The following MED13L variants were observed in gnomAD, a reference collection of about 807,000 sequenced individuals.
The protein encoded by MED13L is mediator of RNA polymerase II transcription subunit 13-like.
Under a neutral mutation model 220.9 loss-of-function variants are expected in MED13L, and 7 were observed. That is an observed-to-expected ratio of 0.03 (90% CI 0.02 to 0.06). The LOEUF (loss-of-function observed/expected upper bound fraction) is 0.06, where lower values mean the gene tolerates loss of function less well. Among genes scored for constraint, MED13L ranks in the 10% least tolerant of loss-of-function variants. The probability of loss-of-function intolerance (pLI) is 1.00; values close to 1 mark genes in which losing one functional copy is unlikely to be tolerated. For synonymous variants in MED13L, 1,011 were observed against 1,015.2 expected (o/e 1.00, Z 0.08); for missense variants, 1,965 against 2,760.5 (o/e 0.71, Z 6.46).
intron 2 of MED13L, among the ~76,000 whole-genome samples, chr12:116,115,305 GGAA>G (rs1482801345): frequency 2.0e-5 from 3 of 151,708 alleles, no homozygotes; most frequent in African/African-American, 7.3e-5. Flanking sequence ...ATTCAGTAAA[GGAA>G]GAAAAGAAAA....
chr12:116,220,229 G>C (rs889187807), intron 2 of MED13L, among the ~76,000 whole-genome samples: 1 of 151,980 alleles, frequency 6.6e-6, no homozygotes, highest in South Asian at 2.1e-4. Context: ...ATAATCATGG[G>C]ATCAATTAAA....
At chr12:116,252,805 A>C (rs76700708) in intron 1 of MED13L, among the ~76,000 whole-genome samples, 1 of 151,682 alleles carries the variant, frequency 6.6e-6, no homozygotes, top group Non-Finnish European at 1.5e-5. Flanking sequence ...CAATATCAGG[A>C]AAAAAAAGGG....
chr12:116,172,927 C>CAAAA (rs560335454), intron 2 of MED13L, among the ~76,000 whole-genome samples: 5 of 60,016 alleles, frequency 8.3e-5, no homozygotes, highest in East Asian at 4.6e-4. Context: ...CCATTTAAGA[C>CAAAA]AAAAAAAAAA....
chr12:116,047,483 CA>C (rs1169622191), intron 4 of MED13L, among the ~76,000 whole-genome samples: 1 of 152,092 alleles, frequency 6.6e-6, no homozygotes, highest in Non-Finnish European at 1.5e-5. Flanking sequence ...TTTCTTTATC[CA>C]ATATGCATAC....
chr12:116,199,705 A>C (rs1257525288), intron 2 of MED13L, among the ~76,000 whole-genome samples: 2 of 151,414 alleles, frequency 1.3e-5, no homozygotes, highest in African/African-American at 4.8e-5. Context: ...TTTTTTTTTT[A>C]ATTCAAACCT....
intron 17 of MED13L, among the ~76,000 whole-genome samples, chr12:115,988,912 A>C (rs1487429706): frequency 6.6e-6 from 1 of 152,172 alleles, no homozygotes; most frequent in Admixed American, 6.5e-5. Context: ...CATTTTCTTC[A>C]CTTCATAAAT....
At chr12:116,157,581 C>A (rs1282956661) in intron 2 of MED13L, among the ~76,000 whole-genome samples, 1 of 152,236 alleles carries the variant, frequency 6.6e-6, no homozygotes, top group Non-Finnish European at 1.5e-5. Flanking sequence ...CATAACTGAA[C>A]TACCTGAGTG....
In MED13L at chr12:115,991,744, C is replaced by A. The variant is rs1484893492; in HGVS notation, c.3210G>T (p.Gly1070=). The A allele has an allele frequency of 2.5e-6, 4 of 1,613,754 alleles. No homozygotes were observed. In the African/African-American group the frequency reaches 4.0e-5, roughly 16 times the overall value. ...PRGGGTASGQ[G]SVKYDSTDQG... ...GATCGGTGCTATCATACTTAACAGA[C>A]CCTTGACCACTGGCAGTGCCCCCAC... is the stretch of plus-strand genomic sequence containing the variant. The change falls in exon 17 of 31, where the codon GGG becomes GGT. Residue 1070 remains glycine, a synonymous_variant. Coordinates refer to ENST00000281928, the MANE Select transcript of MED13L (RefSeq NM_015335.5). This position sits in a 1 kb window ranked among gnomAD's most constrained non-coding sequence, Gnocchi z 7.7.
intron 2 of MED13L, among the ~76,000 whole-genome samples, chr12:116,201,239 G>A (rs1316364414): frequency 6.6e-6 from 1 of 152,004 alleles, no homozygotes; most frequent in East Asian, 1.9e-4. Context: ...AATGTTACAC[G>A]AAGAAGTATA....
At chr12:115,969,235 T>C in intron 27 of MED13L, 138 bp from the exon 28 acceptor site, 1 of 963,262 alleles carries the variant, frequency 1.0e-6, no homozygotes. Flanking sequence ...TAACTTAGAT[T>C]CAGTTAGGAC....
chr12:116,190,441 T>A (rs1881199112), intron 2 of MED13L, among the ~76,000 whole-genome samples: 1 of 152,226 alleles, frequency 6.6e-6, no homozygotes, highest in African/African-American at 2.4e-5. Context: ...TTGTTAAGTA[T>A]GGAACTTGTG....
intron 2 of MED13L, among the ~76,000 whole-genome samples, chr12:116,222,985 A>G (rs996630601): frequency 8.5e-5 from 13 of 152,236 alleles, no homozygotes; most frequent in African/African-American, 3.1e-4. Flanking sequence ...AGGATTCCAG[A>G]GTGAAAGATA....
At chr12:116,014,919 AAGTAC>A (rs1879634002) in intron 8 of MED13L, among the ~76,000 whole-genome samples, 185 bp downstream of exon 8, 2 of 152,180 alleles carry the variant, frequency 1.3e-5, no homozygotes, top group Non-Finnish European at 2.9e-5. Context: ...TAATGAAATC[AAGTAC>A]AGTAAATGTC....
chr12:116,161,056 T>C (rs1386116502), intron 2 of MED13L, among the ~76,000 whole-genome samples: 1 of 152,164 alleles, frequency 6.6e-6, no homozygotes, highest in Non-Finnish European at 1.5e-5. Context: ...ATAAGGGACT[T>C]CATTTTACAT....
intron 2 of MED13L, among the ~76,000 whole-genome samples, chr12:116,133,436 G>A (rs1017681831): frequency 6.6e-6 from 1 of 152,100 alleles, no homozygotes; most frequent in Admixed American, 6.6e-5. Context: ...TCAGCATGAC[G>A]GTAGACCAGG....
chr12:116,011,755 A>G (rs1426749516), intron 9 of MED13L, among the ~76,000 whole-genome samples: 2 of 152,212 alleles, frequency 1.3e-5, no homozygotes, highest in South Asian at 2.1e-4. Context: ...AAAAATCAAT[A>G]ATGAGTTTCA....
intron 4 of MED13L, 124 bp downstream of exon 4, chr12:116,096,545 A>T (rs1872657816): frequency 1.4e-6 from 1 of 694,918 alleles, no homozygotes; most frequent in Admixed American, 2.2e-5. Context: ...GAACACTGTG[A>T]TCCAGGATCT....
intron 1 of MED13L, among the ~76,000 whole-genome samples, chr12:116,240,323 C>T (rs1164335113): frequency 6.6e-6 from 1 of 152,062 alleles, no homozygotes; most frequent in Admixed American, 6.5e-5. Flanking sequence ...TCTCAAACTC[C>T]TAACCTCAAG....
intron 4 of MED13L, among the ~76,000 whole-genome samples, chr12:116,039,832 C>T (rs1881416411): frequency 1.3e-5 from 2 of 151,850 alleles, no homozygotes; most frequent in Admixed American, 6.6e-5. Flanking sequence ...ACCATGAAGG[C>T]GGTAAGACAC....
Sources: allele counts gnomAD v4.1 joint callset (sites outside exome capture counted in the v4.1 genomes callset), GRCh38; gene constraint gnomAD v4.1.1; non-coding constraint Gnocchi (gnomAD v3.1); transcripts MANE v1.5; gene names NCBI Gene and HGNC (gene_info 2026-07-23, HGNC 2026-07-21).